SUPT3H: variants seen among roughly 807,000 people sequenced by gnomAD.
SUPT3H encodes the protein SPT3 homolog, SAGA and STAGA complex component.
A neutral mutation model predicts 44.3 loss-of-function variants in SUPT3H; 44 were observed. The observed-to-expected ratio is 0.99, with a 90% confidence interval of 0.78 to 1.28. The LOEUF (loss-of-function observed/expected upper bound fraction) is 1.28. Among genes scored for constraint, SUPT3H ranks in the 50% most tolerant of loss-of-function variants. SUPT3H has a pLI of 0.00. For synonymous variants in SUPT3H, 124 were observed against 125.6 expected (o/e 0.99, Z 0.09); for missense variants, 380 against 387.1 (o/e 0.98, Z 0.15).
intron 2 of SUPT3H, among the ~76,000 whole-genome samples, chr6:45,140,741 A>G (rs1475318827): frequency 3.3e-5 from 5 of 152,126 alleles, no homozygotes; most frequent in African/African-American, 1.2e-4. Flanking sequence ...CTCTGCAGAC[A>G]TTCCCCAGCA....
chr6:45,189,052 T>A (rs1031013476), intron 2 of SUPT3H, among the ~76,000 whole-genome samples: 1 of 152,174 alleles, frequency 6.6e-6, no homozygotes, highest in African/African-American at 2.4e-5. Flanking sequence ...ACCTCCTGCA[T>A]TGGCCTCCCA....
chr6:45,079,269 T>A (rs182327666), intron 3 of SUPT3H, among the ~76,000 whole-genome samples: 2 of 151,882 alleles, frequency 1.3e-5, no homozygotes, highest in African/African-American at 2.4e-5. Flanking sequence ...GAGATCACAC[T>A]ACCGCACTCC....
At chr6:44,941,353 T>C (rs1372610655) in intron 9 of SUPT3H, among the ~76,000 whole-genome samples, 1 of 152,116 alleles carries the variant, frequency 6.6e-6, no homozygotes, top group African/African-American at 2.4e-5. Context: ...CAGTGTTTGC[T>C]TACCTGGGAA....
At chr6:44,889,998 A>T (rs1763021243) in intron 10 of SUPT3H, among the ~76,000 whole-genome samples, 1 of 151,204 alleles carries the variant, frequency 6.6e-6, no homozygotes, top group South Asian at 2.1e-4. Context: ...AGCCAAAAAC[A>T]CATGAAACAA....
At chr6:44,866,142 G>T (rs370629641) in intron 10 of SUPT3H, among the ~76,000 whole-genome samples, 3 of 138,578 alleles carry the variant, frequency 2.2e-5, no homozygotes, top group African/African-American at 8.1e-5. Flanking sequence ...AAAGTAGATT[G>T]CCTGTCTAAG....
At chr6:44,821,922 C>G (rs1458109291), downstream of SUPT3H, among the ~76,000 whole-genome samples, 1 of 152,076 alleles carries the variant, frequency 6.6e-6, no homozygotes, top group African/African-American at 2.4e-5. Flanking sequence ...ACTCACTGAT[C>G]CCTGCATTCT....
chr6:45,098,508 C>T, intron 3 of SUPT3H: 1 of 249,246 alleles, frequency 4.0e-6, no homozygotes, highest in Non-Finnish European at 8.1e-6. Flanking sequence ...GAGTAAGCCC[C>T]ACATTTGCTC....
intron 10 of SUPT3H, among the ~76,000 whole-genome samples, chr6:44,889,515 G>T (rs984071646): frequency 1.3e-5 from 2 of 152,190 alleles, no homozygotes; most frequent in Non-Finnish European, 2.9e-5. Context: ...ATGGGGAAAG[G>T]AATCCCTATT....
At chr6:45,130,712 C>CA (rs1358503809) in intron 2 of SUPT3H, among the ~76,000 whole-genome samples, 2 of 88,606 alleles carry the variant, frequency 2.3e-5, no homozygotes, top group African/African-American at 5.1e-5. Context: ...AAAAAAACCA[C>CA]TTTTTTTTTT....
intron 2 of SUPT3H, among the ~76,000 whole-genome samples, chr6:45,286,443 A>G: frequency 1.3e-5 from 2 of 152,234 alleles, no homozygotes; most frequent in Non-Finnish European, 2.9e-5. Flanking sequence ...ATATGAACAG[A>G]CACTTCTCAA....
Position 44,850,870 on chromosome 6 carries a change from T to C in SUPT3H, c.913-21013A>G, listed in dbSNP as rs1173232283. 2.6e-5 allele frequency among the ~76,000 whole-genome samples: 4 copies of C among 152,202 alleles called. 1 individual carries two copies. Among genetic ancestry groups the C allele is most frequent in the African/African-American group, 9.6e-5 (4 of 41,452 alleles). ...TTATAGCTTTCAGTTTTCTCAGTTATAGTCATATTAGCATTCATAATAAGC... is the reference window on the plus strand; with the variant it reads ...TTATAGCTTTCAGTTTTCTCAGTTACAGTCATATTAGCATTCATAATAAGC... On this transcript the variant is annotated intron_variant, in intron 10 of 10. Transcript: ENST00000371459.
chr6:45,239,077 G>C (rs1769785991), intron 2 of SUPT3H, among the ~76,000 whole-genome samples: 1 of 152,140 alleles, frequency 6.6e-6, no homozygotes, highest in Non-Finnish European at 1.5e-5. Flanking sequence ...TCAAAATGCG[G>C]AGCTTGTAGC....
intron 11 of SUPT3H, among the ~76,000 whole-genome samples, chr6:44,814,399 C>A (rs1362119588): frequency 2.0e-5 from 3 of 152,036 alleles, no homozygotes; most frequent in Non-Finnish European, 4.4e-5. Context: ...CCTGAGAATC[C>A]AAACTTCCCA....
At chr6:44,843,537 A>C (rs1771341417) in intron 10 of SUPT3H, among the ~76,000 whole-genome samples, 1 of 152,204 alleles carries the variant, frequency 6.6e-6, no homozygotes, top group Non-Finnish European at 1.5e-5. Flanking sequence ...GAGTTTAGTA[A>C]GGTTATAGGC....
chr6:44,832,277 A>G lies in SUPT3H; in HGVS notation c.913-2420T>C, dbSNP rs146217929. Among the ~76,000 whole-genome samples the G allele has an allele frequency of 2.3e-3, 355 of 152,276 alleles. 2 individuals carry two copies. Among genetic ancestry groups the G allele is most frequent in the Middle Eastern group, 0.01 (3 of 294 alleles). ...GCAAATGTTGAAACTAAATTTAAACATTGCTTGGTGTGAGGGCCTTCCAGA... is the reference window on the plus strand; with the variant it reads ...GCAAATGTTGAAACTAAATTTAAACGTTGCTTGGTGTGAGGGCCTTCCAGA... On this transcript the variant is annotated intron_variant, in intron 10 of 10. Transcript: ENST00000371459.
intron 10 of SUPT3H, among the ~76,000 whole-genome samples, chr6:44,857,822 T>C (rs1306729039): frequency 6.6e-6 from 1 of 152,200 alleles, no homozygotes; most frequent in South Asian, 2.1e-4. Flanking sequence ...AAAAATCATA[T>C]ACATTTTTGC....
intron 10 of SUPT3H, among the ~76,000 whole-genome samples, chr6:44,848,481 T>C (rs1004580186): frequency 2.2e-4 from 33 of 152,174 alleles, no homozygotes; most frequent in Non-Finnish European, 1.0e-4. Context: ...GGGAGAAAAA[T>C]CAAAACCTTA....
At chr6:45,085,911 A>G (rs546238801) in intron 3 of SUPT3H, among the ~76,000 whole-genome samples, 73 of 152,238 alleles carry the variant, frequency 4.8e-4, no homozygotes, top group Non-Finnish European at 9.1e-4. Context: ...AAACACAAGT[A>G]TATTAAAAAC....
At chr6:44,904,783 C>T (rs1199302161) in intron 10 of SUPT3H, among the ~76,000 whole-genome samples, 2 of 152,196 alleles carry the variant, frequency 1.3e-5, no homozygotes, top group Non-Finnish European at 2.9e-5. Context: ...TACAAGGCTA[C>T]AGTAACCAAA....
Sources: gnomAD v4.1 joint callset for allele counts (sites outside exome capture counted in the v4.1 genomes callset) on GRCh38, gnomAD v4.1.1 for gene constraint, MANE v1.5 for transcripts, NCBI Gene and HGNC (gene_info 2026-07-23, HGNC 2026-07-21) for gene names.